Variants in RNF135 observed in about 807,000 individuals in gnomAD.
The protein encoded by RNF135 is ring finger protein 135, also known as E3 ubiquitin-protein ligase RNF135.
A neutral mutation model predicts 41.9 loss-of-function variants in RNF135; 46 were observed. The ratio of observed to expected loss-of-function variants is 1.10; its 90% CI spans 0.87 to 1.40. RNF135 has a LOEUF of 1.40. Ranked by LOEUF, RNF135 falls within the 40% of genes most tolerant of loss-of-function variation. RNF135 has a pLI of 0.00. For synonymous variants in RNF135, 238 were observed against 223.8 expected, an observed-to-expected ratio of 1.06 and a Z score of -0.57; for missense variants, 539 against 549.8, an observed-to-expected ratio of 0.98 and a Z score of 0.20.
chr17:30,959,280 T>C, the RNF135 span: 1 of 152,112 alleles, frequency 6.6e-6, no homozygotes, highest in East Asian at 1.9e-4. Flanking sequence ...ATTCTAAGGG[T>C]GGGAAAGAAC....
intron 1 of RNF135, among the ~76,000 whole-genome samples, chr17:30,979,990 T>TC (rs1263500920): frequency 6.3e-4 from 41 of 65,134 alleles, no homozygotes; most frequent in Admixed American, 3.0e-3. Context: ...GGGGGGCTGA[T>TC]CCTCCCACCT....
intron 1 of RNF135, among the ~76,000 whole-genome samples, chr17:30,974,587 G>A (rs1394648424): frequency 3.3e-5 from 5 of 149,982 alleles, no homozygotes; most frequent in African/African-American, 1.2e-4. Context: ...AATTCCTTCA[G>A]TGATTTTTTT....
upstream of RNF135, chr17:30,971,007 G>A (rs1905846854): frequency 6.5e-7 from 1 of 1,529,300 alleles, no homozygotes; most frequent in Non-Finnish European, 8.7e-7. Flanking sequence ...GAGGAAGGGC[G>A]AGGGAGGAGC....
At chr17:30,990,509 C>A (rs1209173597) in intron 3 of RNF135, among the ~76,000 whole-genome samples, 1 of 152,034 alleles carries the variant, frequency 6.6e-6, no homozygotes, top group African/African-American at 2.4e-5. Context: ...GAAACACCAT[C>A]TCAAAACAAA....
chr17:30,990,036 G>C (rs1391506296), intron 3 of RNF135, among the ~76,000 whole-genome samples: 1 of 149,546 alleles, frequency 6.7e-6, no homozygotes, highest in East Asian at 2.0e-4. Flanking sequence ...GGAGAAGCAT[G>C]ATTCCTTGGA....
In RNF135 at chr17:30,971,318, C is replaced by G. The variant is rs1290097626; in HGVS notation, c.245C>G (p.Ala82Gly). The G allele has an allele frequency of 2.0e-6, 3 of 1,533,668 alleles. No homozygotes were observed. The highest frequency in any genetic ancestry group is 1.4e-5 in the African/African-American group (1 of 70,526). The change falls in exon 1 of 5, where the codon GCC becomes GGC. Residue 82 changes from alanine (A) to glycine (G), a missense_variant. Physicochemically the swap from Ala to Gly is moderately conservative, Grantham distance 60. Coordinates refer to ENST00000328381, the MANE Select transcript of RNF135 (RefSeq NM_032322.4). ...LRKNTLLQDL[A>G]DKYRRAAREI... is the part of the protein sequence containing the mutation. ...AAGAACACGCTACTGCAGGACCTGG[C>G]CGACAAGTACCGCCGCGCCGCACGC...
At chr17:30,988,313 G>A (rs1907736572) in intron 3 of RNF135, among the ~76,000 whole-genome samples, 3 of 151,150 alleles carry the variant, frequency 2.0e-5, no homozygotes, top group African/African-American at 2.4e-5. Context: ...TGTATCACAA[G>A]TCCTTAATAG....
At chr17:30,969,759 C>CTTTT (rs757330088), upstream of RNF135, among the ~76,000 whole-genome samples, 33 of 122,642 alleles carry the variant, frequency 2.7e-4, no homozygotes, top group East Asian at 9.6e-4. Flanking sequence ...TCTTTTTTTT[C>CTTTT]TTTTTTTTTT....
intron 1 of RNF135, among the ~76,000 whole-genome samples, chr17:30,978,330 ATTTC>A (rs1567739193): frequency 1.3e-5 from 2 of 151,938 alleles, no homozygotes; most frequent in Non-Finnish European, 2.9e-5. Context: ...TTCTACCACT[ATTTC>A]TTTCTCTACC....
chr17:30,983,337 ATATATATATATATATATTTTTT>A (rs1235046205), intron 1 of RNF135, among the ~76,000 whole-genome samples: 1 of 25,696 alleles, frequency 3.9e-5, no homozygotes, highest in African/African-American at 1.0e-4. Context: ...ATATATATAT[ATATATATATATATATATTTTTT>A]TTTTTTTTTT....
intron 1 of RNF135, chr17:30,971,783 C>T (rs1007897689): frequency 6.7e-6 from 7 of 1,041,108 alleles, no homozygotes; most frequent in African/African-American, 3.4e-5. Flanking sequence ...GCCATTTTAA[C>T]CTTTTTCTTT....
intron 3 of RNF135, among the ~76,000 whole-genome samples, chr17:30,991,236 G>A (rs2142724014): frequency 6.6e-6 from 1 of 151,932 alleles, no homozygotes; most frequent in African/African-American, 2.4e-5. Context: ...GGTGGTGGGT[G>A]CCCGTAATCC....
At chr17:30,992,272 T>A (rs1457119005) in intron 3 of RNF135, among the ~76,000 whole-genome samples, 1 of 152,132 alleles carries the variant, frequency 6.6e-6, no homozygotes, top group East Asian at 1.9e-4. Flanking sequence ...CTCACTGTTT[T>A]GCCCAGGCTG....
rs764533509 is a variant in RNF135 at position 30,997,251 on chromosome 17, T to A, written c.689T>A (p.Leu230Gln). 4 of 1,613,780 alleles carry A rather than the reference T, an allele frequency of 2.5e-6. No homozygotes were observed. The change falls in exon 4 of 5, where the codon CTG (leucine) becomes CAG (glutamine). Residue 230 changes from leucine to glutamine, a missense_variant. Physicochemically the swap from Leu to Gln is moderately radical, Grantham distance 113. This residue lies in a region of RNF135 where 262 missense variants were observed against 336.9 expected (regional missense o/e 0.78). Transcript: ENST00000328381. ...TTTTTTTGTTACTTAGGAGAACTCC[T>A]GGAAGCCCCGTCTTCCTCCTCATGC... is the stretch of plus-strand genomic sequence containing the variant. The part of the protein sequence containing the change: ...APEAQMQGEL[L>Q]EAPSSSSCPL...
At chr17:30,972,183 G>T (rs1598074497) in intron 1 of RNF135, 1 of 152,078 alleles carries the variant, frequency 6.6e-6, no homozygotes, top group South Asian at 2.1e-4. Flanking sequence ...TGCAAGCTCC[G>T]CCTCCCGGGT....
intron 3 of RNF135, among the ~76,000 whole-genome samples, chr17:30,996,533 G>A (rs1358924000): frequency 6.6e-6 from 1 of 152,106 alleles, no homozygotes; most frequent in Non-Finnish European, 1.5e-5. Flanking sequence ...CAGCTCTCTT[G>A]CTCTCATGAC....
chr17:30,989,348 G>C (rs1907831117), intron 3 of RNF135, among the ~76,000 whole-genome samples: 2 of 152,030 alleles, frequency 1.3e-5, no homozygotes, highest in Non-Finnish European at 2.9e-5. Flanking sequence ...AACAGAGGGA[G>C]ATCTTGTCTA....
intron 3 of RNF135, chr17:30,993,767 T>C: frequency 1.0e-6 from 1 of 971,198 alleles, no homozygotes; most frequent in Non-Finnish European, 1.5e-6. Context: ...ATTTTTTTCC[T>C]TTCTTTTTCT....
chr17:30,969,759 CTTTTTTTTTT>C (rs757330088), upstream of RNF135, among the ~76,000 whole-genome samples: 4 of 122,648 alleles, frequency 3.3e-5, no homozygotes, highest in African/African-American at 5.6e-5. Flanking sequence ...TCTTTTTTTT[CTTTTTTTTTT>C]TTTTTTTTTT....
Sources: gnomAD v4.1 joint callset for allele counts (sites outside exome capture counted in the v4.1 genomes callset) on GRCh38, gnomAD v4.1.1 for gene constraint, gnomAD v4.1.1 regional missense constraint, MANE v1.5 for transcripts, NCBI Gene and HGNC (gene_info 2026-07-23, HGNC 2026-07-21) for gene names.